Variants in NRG3 observed in about 807,000 individuals in gnomAD.
NRG3 encodes neuregulin 3.
In NRG3, 31 loss-of-function variants were observed where a neutral mutation model predicts 66.9. The observed-to-expected ratio is 0.46, with a 90% confidence interval of 0.35 to 0.63. The LOEUF is 0.63. NRG3 is among the 20% of genes least tolerant of loss of function. NRG3 has a pLI of 0.00. For missense variants in NRG3, 910 were observed against 878.9 expected, an observed-to-expected ratio of 1.04 and a Z score of -0.45; for synonymous variants, 393 against 359.4, an observed-to-expected ratio of 1.09 and a Z score of -1.06.
chr10:82,674,951 A>ATTTG (rs1181367688), intron 2 of NRG3, among the ~76,000 whole-genome samples: 2 of 148,366 alleles, frequency 1.3e-5, no homozygotes, highest in African/African-American at 5.1e-5. Flanking sequence ...TTATTTATTT[A>ATTTG]TTTATTTATT....
At chr10:82,893,246 C>A (rs1843328924) in intron 4 of NRG3, among the ~76,000 whole-genome samples, 2 of 152,040 alleles carry the variant, frequency 1.3e-5, no homozygotes, top group Admixed American at 1.3e-4. Context: ...TGATATTTTG[C>A]ACAAAATACT....
chr10:82,335,146 G>A (rs973325112), intron 1 of NRG3, among the ~76,000 whole-genome samples: 15 of 152,196 alleles, frequency 9.9e-5, no homozygotes, highest in Admixed American at 9.8e-4. Flanking sequence ...TTCAGACTGA[G>A]AATGCTTAAG....
intron 1 of NRG3, among the ~76,000 whole-genome samples, chr10:82,320,910 C>G (rs1020455421): frequency 2.6e-5 from 4 of 152,164 alleles, no homozygotes; most frequent in Non-Finnish European, 5.9e-5. Flanking sequence ...CAGAAGAGCA[C>G]GAGAGCTCCA....
intron 1 of NRG3, among the ~76,000 whole-genome samples, chr10:82,111,530 A>C (rs1254302759): frequency 6.6e-6 from 1 of 152,136 alleles, no homozygotes; most frequent in African/African-American, 2.4e-5. Context: ...GTCATCTTTT[A>C]GATCACTGGA....
intron 4 of NRG3, among the ~76,000 whole-genome samples, chr10:82,907,243 C>T (rs1844825656): frequency 6.6e-6 from 1 of 152,014 alleles, no homozygotes; most frequent in South Asian, 2.1e-4. Context: ...TAATTTCTTT[C>T]CAGGTTTAAA....
At position 82,477,242 on chromosome 10, in the gene NRG3, A is replaced by G. The variant is rs193029799; in HGVS notation, c.953+118374A>G. Among the ~76,000 whole-genome samples the G allele has an allele frequency of 2.0e-5, 3 of 152,312 alleles. No homozygotes were observed. In the East Asian group the frequency reaches 5.8e-4, roughly 29 times the overall value. On this transcript the variant is annotated intron_variant, in intron 2 of 8. Coordinates refer to ENST00000372141, the MANE Select transcript of NRG3 (RefSeq NM_001010848.4). ...TGTGACCTGAGACATGGGAATACCA[A>G]ATCCACACAAGGAGTTAAGGGAGGA...
At chr10:82,712,449 G>C (rs1226638304) in intron 2 of NRG3, among the ~76,000 whole-genome samples, 1 of 152,174 alleles carries the variant, frequency 6.6e-6, no homozygotes, top group Admixed American at 6.5e-5. Flanking sequence ...ACCTTCGGGT[G>C]CATCAGAAAC....
At chr10:81,986,245 T>C (rs1447969694) in intron 1 of NRG3, among the ~76,000 whole-genome samples, 1 of 152,156 alleles carries the variant, frequency 6.6e-6, no homozygotes, top group Non-Finnish European at 1.5e-5. Flanking sequence ...CATTACCAAA[T>C]TTGTAACTGT....
chr10:82,731,647 A>G, intron 2 of NRG3, among the ~76,000 whole-genome samples: 1 of 152,176 alleles, frequency 6.6e-6, no homozygotes, highest in East Asian at 1.9e-4. Flanking sequence ...ATATGTAGAT[A>G]CCATATTTTA....
chr10:82,273,669 C>T lies in NRG3; in HGVS notation c.824-85070C>T, dbSNP rs151012226. Among the ~76,000 whole-genome samples the T allele has an allele frequency of 6.1e-3, 925 of 151,648 alleles. 2 individuals are homozygous for T. Among genetic ancestry groups the T allele is most frequent in the African/African-American group, 9.1e-3 (375 of 41,372 alleles). On this transcript the variant is annotated intron_variant, in intron 1 of 8. Coordinates refer to ENST00000372141, the MANE Select transcript of NRG3 (RefSeq NM_001010848.4). ...TGTTGATAATATGTGGTTTCTTTTACGAAAATACTGTTTTTCATATAAATT... is the reference window on the plus strand; with the variant it reads ...TGTTGATAATATGTGGTTTCTTTTATGAAAATACTGTTTTTCATATAAATT...
intron 2 of NRG3, among the ~76,000 whole-genome samples, chr10:82,464,249 G>A (rs1840463212): frequency 6.6e-6 from 1 of 152,078 alleles, no homozygotes; most frequent in Non-Finnish European, 1.5e-5. Flanking sequence ...TGAAGACTTA[G>A]GCTCAGGAAA....
At chr10:81,922,215 T>C (rs1187982929) in intron 1 of NRG3, among the ~76,000 whole-genome samples, 1 of 152,192 alleles carries the variant, frequency 6.6e-6, no homozygotes, top group East Asian at 1.9e-4. Context: ...GAATCCCTTA[T>C]ATTGGCACTA....
At chr10:82,910,114 G>A (rs1209495229) in intron 4 of NRG3, among the ~76,000 whole-genome samples, 1 of 152,158 alleles carries the variant, frequency 6.6e-6, no homozygotes, top group African/African-American at 2.4e-5. Flanking sequence ...ATTACAATGA[G>A]CTGAAAAATT....
At position 82,824,137 on chromosome 10, in the gene NRG3, C is replaced by T. The variant is rs183465193; in HGVS notation, c.1028-41274C>T. Among the ~76,000 whole-genome samples the T allele has an allele frequency of 5.3e-5, 8 of 152,264 alleles. No homozygotes were observed. The South Asian group carries it at 1.0e-3, about 20-fold the overall frequency. ...TTTACATCTTATTATACTTACGTAG[C>T]CTTTTGTATCTGGCTTCTTTCATTC... is the stretch of plus-strand genomic sequence containing the variant. On this transcript the variant is annotated intron_variant, in intron 3 of 8. Transcript: ENST00000372141.
chr10:82,182,567 A>C (rs1051626450), intron 1 of NRG3, among the ~76,000 whole-genome samples: 1 of 151,756 alleles, frequency 6.6e-6, no homozygotes, highest in African/African-American at 2.4e-5. Flanking sequence ...CACAAATTAC[A>C]TCTTTTTATG....
chr10:82,238,919 T>TATATATATATATATATATATAC (rs372472574), intron 1 of NRG3, among the ~76,000 whole-genome samples: 24 of 142,134 alleles, frequency 1.7e-4, no homozygotes, highest in East Asian at 1.0e-3. Flanking sequence ...ACCGTATATA[T>TATATATATATATATATATATAC]ATATATATAA....
At chr10:82,005,285 T>C (rs1241397920) in intron 1 of NRG3, among the ~76,000 whole-genome samples, 1 of 152,252 alleles carries the variant, frequency 6.6e-6, no homozygotes, top group Non-Finnish European at 1.5e-5. Flanking sequence ...TCTGCAAATA[T>C]AGATTCTAGT....
intron 1 of NRG3, among the ~76,000 whole-genome samples, chr10:82,225,843 T>A (rs1224126596): frequency 1.3e-5 from 2 of 152,190 alleles, no homozygotes; most frequent in Non-Finnish European, 2.9e-5. Context: ...TTTAGTGTTA[T>A]TTGTGTTTTA....
chr10:82,748,340 A>G (rs959564502), intron 3 of NRG3, among the ~76,000 whole-genome samples: 2 of 151,392 alleles, frequency 1.3e-5, no homozygotes, highest in Non-Finnish European at 3.0e-5. Flanking sequence ...GACTAGGGTG[A>G]CCATATAACT....
Sources: gnomAD v4.1 joint callset for allele counts (sites outside exome capture counted in the v4.1 genomes callset) on GRCh38, gnomAD v4.1.1 for gene constraint, MANE v1.5 for transcripts, NCBI Gene and HGNC (gene_info 2026-07-23, HGNC 2026-07-21) for gene names.